The following CNTN5 variants were observed in gnomAD, a reference collection of about 807,000 sequenced individuals.
CNTN5 encodes contactin-5.
CNTN5 carries 77 observed loss-of-function variants against 129.1 expected under a neutral mutation model. That is an observed-to-expected ratio of 0.60 (90% CI 0.50 to 0.72). The LOEUF is 0.72. Ranked by LOEUF, CNTN5 falls within the 30% of genes least tolerant of loss-of-function variation. The pLI is 0.00. For synonymous variants in CNTN5, 509 were observed against 465.6 expected (o/e 1.09, Z -1.20); for missense variants, 1,478 against 1,328.8 (o/e 1.11, Z -1.75).
chr11:100,290,326 T>C (rs1176375800), intron 18 of CNTN5, among the ~76,000 whole-genome samples: 1 of 152,020 alleles, frequency 6.6e-6, no homozygotes, highest in Admixed American at 6.6e-5. Flanking sequence ...AGAACAAAGC[T>C]AGAGGCATCA....
intron 1 of CNTN5, among the ~76,000 whole-genome samples, chr11:99,189,463 A>G (rs1858521234): frequency 6.6e-6 from 1 of 151,556 alleles, no homozygotes; most frequent in Non-Finnish European, 1.5e-5. Context: ...ACCTCTGTGT[A>G]GTATTTTATA....
At chr11:100,229,208 C>A (rs1367512362) in intron 16 of CNTN5, among the ~76,000 whole-genome samples, 2 of 151,892 alleles carry the variant, frequency 1.3e-5, no homozygotes, top group African/African-American at 4.8e-5. Flanking sequence ...CACACACACA[C>A]AAAATATTTA....
rs1474695407 is a variant in CNTN5, at chr11:99,154,518, G to A, written c.-210+133248G>A. ...TCACACATCCATGCTGGCGGGGGAG[G>A]GAAGGCAAGGACGACCTGTGCATGT... On this transcript the variant is annotated intron_variant, in intron 1 of 24. Coordinates refer to ENST00000524871, the MANE Select transcript of CNTN5 (RefSeq NM_014361.4). Among the ~76,000 whole-genome samples the A allele has an allele frequency of 3.9e-5, 6 of 152,166 alleles. No individual in the cohort carries two copies. The East Asian group carries it at 1.2e-3, about 29-fold the overall frequency.
chr11:99,256,007 A>G (rs1429783708), intron 1 of CNTN5, among the ~76,000 whole-genome samples: 1 of 152,122 alleles, frequency 6.6e-6, no homozygotes, highest in Non-Finnish European at 1.5e-5. Flanking sequence ...ATCAAAAATG[A>G]TCAGTAGGCT....
At chr11:99,861,225 G>C (rs762139522) in intron 6 of CNTN5, among the ~76,000 whole-genome samples, 6 of 152,054 alleles carry the variant, frequency 3.9e-5, no homozygotes, top group Non-Finnish European at 7.4e-5. Context: ...CCAAAGTGTT[G>C]GGATTACAGG....
At chr11:99,849,962 C>T (rs559761349) in intron 6 of CNTN5, among the ~76,000 whole-genome samples, 31 of 152,182 alleles carry the variant, frequency 2.0e-4, no homozygotes, top group African/African-American at 6.3e-4. Flanking sequence ...AAAAATCTTA[C>T]ATGCTTGCTT....
intron 13 of CNTN5, among the ~76,000 whole-genome samples, chr11:100,184,255 A>T (rs1235532398): frequency 6.6e-6 from 1 of 152,182 alleles, no homozygotes; most frequent in East Asian, 1.9e-4. Context: ...ACTTTTAAAG[A>T]ACTAGATATT....
At chr11:100,165,727 C>T (rs1432064800) in intron 13 of CNTN5, among the ~76,000 whole-genome samples, 1 of 151,694 alleles carries the variant, frequency 6.6e-6, no homozygotes, top group Non-Finnish European at 1.5e-5. Flanking sequence ...TAAGATTCTA[C>T]AGTGCCATTA....
intron 2 of CNTN5, among the ~76,000 whole-genome samples, chr11:99,408,349 G>A (rs2134990920): frequency 1.4e-5 from 2 of 140,726 alleles, no homozygotes; most frequent in Admixed American, 1.5e-4. Flanking sequence ...ACCAGCACAT[G>A]CCACTACACC....
At chr11:100,060,221 A>G (rs1321781704) in intron 9 of CNTN5, among the ~76,000 whole-genome samples, 1 of 151,904 alleles carries the variant, frequency 6.6e-6, no homozygotes, top group Non-Finnish European at 1.5e-5. Context: ...ATATTAAAAA[A>G]AAAAAAAAAA....
intron 6 of CNTN5, among the ~76,000 whole-genome samples, chr11:99,856,283 G>A (rs1486894871): frequency 1.3e-5 from 2 of 152,166 alleles, no homozygotes; most frequent in African/African-American, 4.8e-5. Context: ...CTTTTTTAAA[G>A]TTCAAGTCCT....
At position 99,871,515 on chromosome 11, in the gene CNTN5, C is replaced by G. The variant is rs772908513; in HGVS notation, c.577+26253C>G. 1.1e-4 allele frequency among the ~76,000 whole-genome samples: 16 copies of G among 151,944 alleles called. 1 individual carries two copies. The highest frequency in any genetic ancestry group is 2.4e-4 in the Non-Finnish European group (16 of 67,926). ...GCTGTAATTTGGATCATGATGATAACAAACACAAAGGCAGTTCTCTTGAAA... is the reference window on the plus strand; with the variant it reads ...GCTGTAATTTGGATCATGATGATAAGAAACACAAAGGCAGTTCTCTTGAAA... On this transcript the variant is annotated intron_variant, in intron 6 of 24. Transcript: ENST00000524871.
chr11:100,233,455 A>G (rs1392817795), intron 16 of CNTN5, among the ~76,000 whole-genome samples: 1 of 152,216 alleles, frequency 6.6e-6, no homozygotes, highest in Non-Finnish European at 1.5e-5. Context: ...ATTAGCTTGT[A>G]AAGACAGCAC....
At position 100,350,887 on chromosome 11, in the gene CNTN5, T is replaced by C. The variant is rs200106253; in HGVS notation, c.3199+17T>C. Reference sequence around the variant, plus strand: ...CATATTCAGGTAAGTTTTGACACAGTAGATTTAATTTGCTGACAACCAACA... The same window carrying C: ...CATATTCAGGTAAGTTTTGACACAGCAGATTTAATTTGCTGACAACCAACA... On this transcript the variant is annotated intron_variant, in intron 24 of 24. Transcript: ENST00000524871. The C allele has an allele frequency of 6.6e-6, 10 of 1,523,260 alleles. 1 individual carries two copies. The Middle Eastern group carries it at 5.2e-4, about 80-fold the overall frequency. The allele number at this position is 1,523,260 out of a possible 1,614,324, so 94.4% of individuals were successfully genotyped here.
chr11:99,906,779 T>G (rs533426208), intron 6 of CNTN5, among the ~76,000 whole-genome samples: 2 of 151,936 alleles, frequency 1.3e-5, no homozygotes, highest in East Asian at 3.9e-4. Flanking sequence ...GATCCTGGGC[T>G]TTTTTTTGGT....
chr11:100,082,606 T>C (rs1472389548), intron 13 of CNTN5, among the ~76,000 whole-genome samples: 2 of 152,088 alleles, frequency 1.3e-5, no homozygotes, highest in Admixed American at 1.3e-4. Flanking sequence ...GTGGGCTTTT[T>C]TAATTACATT....
chr11:100,339,997 C>A (rs1952125218), intron 21 of CNTN5, among the ~76,000 whole-genome samples: 1 of 152,140 alleles, frequency 6.6e-6, no homozygotes, highest in Admixed American at 6.6e-5. Context: ...TGTTCTACCA[C>A]CTCTTCTCCA....
intron 13 of CNTN5, among the ~76,000 whole-genome samples, chr11:100,177,073 G>C (rs544012961): frequency 1.3e-5 from 2 of 152,104 alleles, no homozygotes; most frequent in African/African-American, 4.8e-5. Context: ...AGAGTGATCA[G>C]ATTTGTAATT....
chr11:99,849,766 C>G (rs79565999), intron 6 of CNTN5, among the ~76,000 whole-genome samples: 2,142 of 152,254 alleles, frequency 0.014, 52 homozygotes, highest in African/African-American at 0.048. Context: ...ATCCTCATAA[C>G]CAACATACGA....
Sources: allele counts gnomAD v4.1 joint callset (sites outside exome capture counted in the v4.1 genomes callset), GRCh38; gene constraint gnomAD v4.1.1; transcripts MANE v1.5; gene names NCBI Gene and HGNC (gene_info 2026-07-23, HGNC 2026-07-21).